Variants in SRA1 observed in about 807,000 individuals in gnomAD.
SRA1 encodes lncRNA SRA.
Under a neutral mutation model 24.3 loss-of-function variants are expected in SRA1, and 25 were observed. The observed-to-expected ratio is 1.03, with a 90% CI of 0.75 to 1.43. SRA1 has a LOEUF of 1.43. SRA1 is among the 40% of genes most tolerant of loss of function. SRA1 has a pLI of 0.00. For missense variants in SRA1, 303 were observed against 286.6 expected (o/e 1.06, Z -0.41); for synonymous variants, 104 against 109.5 (o/e 0.95, Z 0.31).
chr5:140,553,836 G>A (rs1754625224), intron 2 of SRA1, among the ~76,000 whole-genome samples: 1 of 152,206 alleles, frequency 6.6e-6, no homozygotes, highest in Non-Finnish European at 1.5e-5. Flanking sequence ...ATTTACTTAG[G>A]AGGAAGTAGC....
chr5:140,557,092 TACA>T lies in SRA1; in HGVS notation c.151+52_151+54del, dbSNP rs1561862964. On this transcript the variant is annotated intron_variant, in intron 2 of 4. Transcript: ENST00000336283. Reference sequence around the variant, plus strand: ...AAGCCTTCCAAACAGGCTTATGCCTTACACCCCCCCCCCCCCATTCTCCGTCTG... The same window carrying T: ...AAGCCTTCCAAACAGGCTTATGCCTTCCCCCCCCCCCCCATTCTCCGTCTG... 6.7e-6 allele frequency: 8 copies of T among 1,198,084 alleles called. 2 individuals are homozygous for T. The highest frequency in any genetic ancestry group is 6.7e-5 in the South Asian group (5 of 75,020). The allele number at this position is 1,198,084 out of a possible 1,614,324, so 74.2% of individuals were successfully genotyped here. A position where few individuals can be genotyped will look rare whatever the true frequency, so the allele number is the denominator to read the frequency against.
intron 2 of SRA1, among the ~76,000 whole-genome samples, chr5:140,553,476 T>C (rs1169582331): frequency 2.0e-5 from 3 of 152,194 alleles, no homozygotes; most frequent in African/African-American, 7.2e-5. Context: ...AGGAAAACTT[T>C]TGATTTGTTC....
chr5:140,554,522 A>G (rs1290856072), intron 2 of SRA1, among the ~76,000 whole-genome samples: 1 of 152,102 alleles, frequency 6.6e-6, no homozygotes, highest in Non-Finnish European at 1.5e-5. Flanking sequence ...TCCTGCTCCT[A>G]TCAAAAGCCA....
At chr5:140,557,766 G>A (rs188716714), upstream of SRA1, 196 of 511,826 alleles carry the variant, frequency 3.8e-4, no homozygotes, top group Non-Finnish European at 6.1e-4. Flanking sequence ...CATACACCCC[G>A]CTGTGATCTA....
At chr5:140,557,362 G>C (rs752149871) in intron 1 of SRA1, 66 bp downstream of exon 1, 25 of 1,602,578 alleles carry the variant, frequency 1.6e-5, no homozygotes, top group Non-Finnish European at 1.8e-5. Context: ...CATACTAAGC[G>C]CCGCAACCGC....
Position 140,551,996 on chromosome 5 carries a change from G to C in SRA1, c.340C>G (p.Arg114Gly). The C allele has an allele frequency of 6.2e-7, 1 of 1,613,902 alleles. No individual in the cohort carries two copies. Among genetic ancestry groups the C allele is most frequent in the Non-Finnish European group, 8.5e-7 (1 of 1,179,924 alleles). The change falls in exon 3 of 5, where the codon CGT becomes GGT. Residue 114 changes from arginine to glycine, a missense_variant. Arg to Gly is a moderately radical substitution (Grantham distance 125). Coordinates refer to ENST00000336283, the MANE Select transcript of SRA1 (RefSeq NM_001035235.4). ...CCAGAGCTTACCCTTGTGTGGCCACGGCAGTCTTCCAATGCCTGTTCCAAA... is the reference window on the plus strand; with the variant it reads ...CCAGAGCTTACCCTTGTGTGGCCACCGCAGTCTTCCAATGCCTGTTCCAAA... ...RPLEQALEDC[R>G]GHTRKQVCDD...
At position 140,550,767 on chromosome 5, in the gene SRA1, T is replaced by C. The variant is rs371219072; in HGVS notation, c.608A>G (p.Asn203Ser). 1.1e-5 allele frequency: 18 copies of C among 1,614,088 alleles called. No individual in the cohort carries two copies. Among genetic ancestry groups the C allele is most frequent in the Middle Eastern group, 1.6e-4 (1 of 6,084 alleles). ...AGCTGTGGCTGCAGATTTCTCTTCA[T>C]TGGCTGCCTCCTCTGAAAACAGACT... ...KRSLFSEEAA[N>S]EEKSAATAEK... Residue 203 changes from asparagine (N) to serine (S), a missense_variant, in exon 5 of 5, where the codon AAT becomes AGT. Asn to Ser is a conservative substitution (Grantham distance 46). Coordinates refer to ENST00000336283, the MANE Select transcript of SRA1 (RefSeq NM_001035235.4).
chr5:140,557,297 G>A lies in SRA1; in HGVS notation c.26-25C>T, dbSNP rs755697776. On this transcript the variant is annotated intron_variant, in intron 1 of 4. Coordinates refer to ENST00000336283, the MANE Select transcript of SRA1 (RefSeq NM_001035235.4). ...CCTGCGGAGGCGAGGGATGTGTGAAGCGAGCCCGGAACTCCACTGTTAGCT... is the reference window on the plus strand; with the variant it reads ...CCTGCGGAGGCGAGGGATGTGTGAAACGAGCCCGGAACTCCACTGTTAGCT... 4 of 1,608,340 alleles carry A rather than the reference G, an allele frequency of 2.5e-6. No individual in the cohort carries two copies. The African/African-American group carries it at 4.0e-5, about 16-fold the overall frequency.
intron 2 of SRA1, among the ~76,000 whole-genome samples, chr5:140,555,842 T>C (rs557308967): frequency 6.6e-6 from 1 of 152,176 alleles, no homozygotes; most frequent in East Asian, 1.9e-4. Flanking sequence ...CTACTGACCT[T>C]CTCCATCTCA....
At chr5:140,557,697 G>A, upstream of SRA1, 1 of 581,624 alleles carries the variant, frequency 1.7e-6, no homozygotes, top group African/African-American at 1.9e-5. Flanking sequence ...CCAGGAGCCA[G>A]TGCTCTAGGA....
chr5:140,551,225 GA>G, intron 3 of SRA1, 56 bp from the exon 4 acceptor site: 1 of 1,410,070 alleles, frequency 7.1e-7, no homozygotes, highest in Admixed American at 1.7e-5. Flanking sequence ...GAGGGGAGGA[GA>G]GGGGAAGACA....
At position 140,550,723 on chromosome 5, in the gene SRA1, G is replaced by GTAT. The variant is rs759643927; in HGVS notation, c.649_651dup (p.Ile217dup). On this transcript the variant is annotated inframe_insertion, in exon 5 of 5. Coordinates refer to ENST00000336283, the MANE Select transcript of SRA1 (RefSeq NM_001035235.4). The stretch of plus-strand genomic sequence containing the variant: ...GATTATGAAGCCTGCTGGAAGCCTG[G>GTAT]TATGGTATGGTTCTTCTCAGCTGTG... The GTAT allele has an allele frequency of 1.2e-6, 2 of 1,614,096 alleles. No individual in the cohort carries two copies. The highest frequency in any genetic ancestry group is 1.3e-5 in the African/African-American group (1 of 75,018).
chr5:140,552,422 GCAGA>G (rs754840368), intron 2 of SRA1, among the ~76,000 whole-genome samples: 1 of 152,194 alleles, frequency 6.6e-6, no homozygotes, highest in Non-Finnish European at 1.5e-5. Flanking sequence ...GGAGGCTGAG[GCAGA>G]CAGATCACCT....
rs912093526 is a variant in SRA1, at chr5:140,550,313, C to G, written c.*387G>C. 3.7e-6 allele frequency: 1 copy of G among 272,572 alleles called. No homozygotes were observed. The highest frequency in any genetic ancestry group is 4.9e-5 in the Admixed American group (1 of 20,262). The allele number at this position is 272,572 out of a possible 1,614,324, so 16.9% of individuals were successfully genotyped here. ...ACCATCCAAACACAGCTGCTCCGCC[C>G]AGCACAGGATGTGCTTTCAGTCTAC... On this transcript the variant is annotated 3_prime_UTR_variant, in exon 5 of 5. Coordinates refer to ENST00000336283, the MANE Select transcript of SRA1 (RefSeq NM_001035235.4).
At chr5:140,552,862 C>T (rs1754603073) in intron 2 of SRA1, among the ~76,000 whole-genome samples, 1 of 152,072 alleles carries the variant, frequency 6.6e-6, no homozygotes. Flanking sequence ...GTCCTGGCTA[C>T]TCAGGAGGAA....
intron 2 of SRA1, among the ~76,000 whole-genome samples, chr5:140,552,607 G>A (rs976949936): frequency 6.6e-6 from 1 of 151,500 alleles, no homozygotes; most frequent in African/African-American, 2.4e-5. Context: ...GAGCTGAGAT[G>A]GTGCCATTGC....
intron 2 of SRA1, among the ~76,000 whole-genome samples, chr5:140,554,440 T>C (rs950149515): frequency 6.6e-6 from 1 of 152,184 alleles, no homozygotes; most frequent in African/African-American, 2.4e-5. Context: ...TCTCTCATCT[T>C]CCCACCACCA....
At chr5:140,557,571 G>T, upstream of SRA1, 1 of 1,228,348 alleles carries the variant, frequency 8.1e-7, no homozygotes, top group Non-Finnish European at 1.1e-6. Context: ...GATGGATGCT[G>T]GTTCACAACC....
intron 2 of SRA1, 89 bp from the exon 3 acceptor site, chr5:140,552,273 C>T: frequency 1.0e-6 from 1 of 961,262 alleles, no homozygotes; most frequent in Non-Finnish European, 1.5e-6. Flanking sequence ...GGGCTACTCT[C>T]TGAGACAACT....
Sources: allele counts gnomAD v4.1 joint callset (sites outside exome capture counted in the v4.1 genomes callset), GRCh38; gene constraint gnomAD v4.1.1; transcripts MANE v1.5; gene names NCBI Gene and HGNC (gene_info 2026-07-23, HGNC 2026-07-21).